The following SBNO2 variants were observed in gnomAD, a reference collection of about 807,000 sequenced individuals.
SBNO2 encodes strawberry notch homolog 2.
A neutral mutation model predicts 146.3 loss-of-function variants in SBNO2; 89 were observed. The observed-to-expected ratio is 0.61, with a 90% CI of 0.51 to 0.73. The LOEUF (loss-of-function observed/expected upper bound fraction) is 0.73, where lower values mean the gene tolerates loss of function less well. SBNO2 is among the 30% of genes least tolerant of loss of function. The pLI is 0.00. For synonymous variants in SBNO2, 1,147 were observed against 892.6 expected (o/e 1.29, Z -5.08); for missense variants, 2,092 against 2,003.7 (o/e 1.04, Z -0.84).
At chr19:1,123,766 G>GT (rs1408631851) in intron 6 of SBNO2, 127 bp from the exon 7 acceptor site, 95 of 1,095,030 alleles carry the variant, frequency 8.7e-5, no homozygotes, top group Non-Finnish European at 1.1e-4. Flanking sequence ...AGACGGCTCT[G>GT]TCTGCCCCTG....
At chr19:1,133,537 G>A (rs776906552) in intron 4 of SBNO2, among the ~76,000 whole-genome samples, 1 of 152,250 alleles carries the variant, frequency 6.6e-6, no homozygotes, top group Non-Finnish European at 1.5e-5. Flanking sequence ...AGCGGAGGCT[G>A]GTGCAGACTG....
intron 24 of SBNO2, 140 bp from the exon 25 acceptor site, chr19:1,111,233 G>A: frequency 2.0e-6 from 2 of 986,860 alleles, no homozygotes; most frequent in South Asian, 3.3e-5. Flanking sequence ...AGGGCCAGGA[G>A]CGGAGCCTTT....
chr19:1,160,180 G>C (rs144449045), intron 1 of SBNO2, among the ~76,000 whole-genome samples: 4,686 of 152,288 alleles, frequency 0.031, 93 homozygotes, highest in Non-Finnish European at 0.047. Flanking sequence ...GCGAGGCTGA[G>C]GGAGCGGGAA....
intron 5 of SBNO2, 94 bp downstream of exon 5, chr19:1,127,510 G>T: frequency 8.4e-7 from 1 of 1,191,632 alleles, no homozygotes; most frequent in Non-Finnish European, 1.2e-6. Flanking sequence ...ACGCAGAGTG[G>T]GGGAGACTGA....
At chr19:1,142,360 C>T (rs989142518) in intron 4 of SBNO2, among the ~76,000 whole-genome samples, 9 of 149,048 alleles carry the variant, frequency 6.0e-5, no homozygotes, top group African/African-American at 2.2e-4. Flanking sequence ...GTCCACTGGC[C>T]CCAGGCACTG....
chr19:1,145,662 C>T (rs937767158), intron 4 of SBNO2, among the ~76,000 whole-genome samples: 24 of 152,200 alleles, frequency 1.6e-4, no homozygotes, highest in Middle Eastern at 6.8e-3. Flanking sequence ...CTCCCCTGTG[C>T]GTCCCCTGAA....
In SBNO2 at chr19:1,107,686, A is replaced by G. The variant is rs1415900566; in HGVS notation, c.*534T>C. On this transcript the variant is annotated 3_prime_UTR_variant, in exon 32 of 32. Coordinates refer to ENST00000361757, the MANE Select transcript of SBNO2 (RefSeq NM_014963.3). ...TTAAAAAAGTCCTTTACATATGTAC[A>G]TCAGAACTTGCTATAAATACATAGA... 6.5e-6 allele frequency: 1 copy of G among 152,730 alleles called. No individual in the cohort carries two copies. Among genetic ancestry groups the G allele is most frequent in the African/African-American group, 2.4e-5 (1 of 41,458 alleles). The allele number at this position is 152,730 out of a possible 1,614,324, so 9.5% of individuals were successfully genotyped here. A position where few individuals can be genotyped will look rare whatever the true frequency, so the allele number is the denominator to read the frequency against.
intron 4 of SBNO2, among the ~76,000 whole-genome samples, chr19:1,143,607 C>T (rs1366206698): frequency 6.6e-6 from 1 of 152,212 alleles, no homozygotes; most frequent in Non-Finnish European, 1.5e-5. Context: ...CCAGTTCCTG[C>T]CTTTCCAGTG....
intron 11 of SBNO2, 59 bp downstream of exon 11, chr19:1,122,080 C>A: frequency 1.6e-6 from 2 of 1,236,032 alleles, no homozygotes; most frequent in Non-Finnish European, 2.1e-6. Flanking sequence ...CCTCCATCCT[C>A]CTTTTCCCTC....
chr19:1,109,074 C>CT lies in SBNO2; in HGVS notation c.3425+60_3425+61insA. ...CTCCTCTCAGGGTCTCGGGAGCCCCCGATCCCCGCCTGGGTCGCCGCCATC... is the reference window on the plus strand; with the variant it reads ...CTCCTCTCAGGGTCTCGGGAGCCCCCTGATCCCCGCCTGGGTCGCCGCCATC... On this transcript the variant is annotated intron_variant, in intron 30 of 31. Transcript: ENST00000361757. This position sits in a 1 kb window ranked among gnomAD's most constrained non-coding sequence, Gnocchi z 4.2. The CT allele has an allele frequency of 6.5e-7, 1 of 1,533,378 alleles. No homozygotes were observed. The highest frequency in any genetic ancestry group is 8.8e-7 in the Non-Finnish European group (1 of 1,139,832). 95.0% of individuals were successfully genotyped at this position (1,533,378 alleles called of 1,614,324 possible).
intron 1 of SBNO2, among the ~76,000 whole-genome samples, chr19:1,160,666 A>G (rs1267086922): frequency 5.9e-5 from 9 of 151,984 alleles, no homozygotes; most frequent in Non-Finnish European, 1.3e-4. Flanking sequence ...AGTAACTGGG[A>G]TGACAGGCAC....
intron 1 of SBNO2, among the ~76,000 whole-genome samples, chr19:1,170,575 A>G (rs1330877044): frequency 6.6e-6 from 1 of 152,138 alleles, no homozygotes; most frequent in Non-Finnish European, 1.5e-5. Context: ...CGGCTGTGGA[A>G]AAAGTGACTG....
At chr19:1,138,682 T>C (rs1437027176) in intron 4 of SBNO2, among the ~76,000 whole-genome samples, 8 of 147,508 alleles carry the variant, frequency 5.4e-5, no homozygotes. Flanking sequence ...ACAGACACAG[T>C]GGGGCCCTCC....
At position 1,108,328 on chromosome 19, in the gene SBNO2, GC is replaced by G; in HGVS notation, c.3992del (p.Gly1331AlafsTer22). 7.3e-7 allele frequency: 1 copy of G among 1,375,620 alleles called. No individual in the cohort carries two copies. Among genetic ancestry groups the G allele is most frequent in the Non-Finnish European group, 9.4e-7 (1 of 1,062,454 alleles). 85.2% of individuals were successfully genotyped at this position (1,375,620 alleles called of 1,614,324 possible). A position where few individuals can be genotyped will look rare whatever the true frequency, so the allele number is the denominator to read the frequency against. The stretch of plus-strand genomic sequence containing the variant: ...CCGCCCCCGCGCCCTCCCCCAGCGC[GC>G]CCTCGGAGGGCGGCCCCGCGTGCAG... The part of the protein sequence containing the change: ...RSLHAGPPSE[G>X]ALGEGAGAGG... On this transcript the variant is annotated frameshift_variant, in exon 32 of 32. Coordinates refer to ENST00000361757, the MANE Select transcript of SBNO2 (RefSeq NM_014963.3). LOFTEE classifies it low-confidence loss of function (END_TRUNC).
At chr19:1,141,055 C>T (rs115591630) in intron 4 of SBNO2, among the ~76,000 whole-genome samples, 55 of 151,746 alleles carry the variant, frequency 3.6e-4, no homozygotes, top group Middle Eastern at 6.8e-3. Flanking sequence ...AGACGCACCC[C>T]GGAGAAGAGG....
chr19:1,113,852 C>A (rs1011705142), intron 18 of SBNO2, 148 bp from the exon 19 acceptor site: 4 of 1,074,904 alleles, frequency 3.7e-6, no homozygotes, highest in Non-Finnish European at 5.0e-6. Flanking sequence ...GGCACCGTGG[C>A]CCAGGACTGC....
intron 4 of SBNO2, chr19:1,131,940 G>A (rs1313700517): frequency 1.2e-5 from 6 of 496,380 alleles, no homozygotes; most frequent in Non-Finnish European, 1.7e-5. Flanking sequence ...CGGACGGGGC[G>A]GGGTGGGGAT....
At chr19:1,146,793 A>AC in intron 4 of SBNO2, among the ~76,000 whole-genome samples, 1 of 3,606 alleles carries the variant, frequency 2.8e-4, no homozygotes, top group Non-Finnish European at 5.3e-4. Flanking sequence ...CTGATGCCGA[A>AC]GGGGGAGGCT....
chr19:1,115,804 C>G, intron 17 of SBNO2: 1 of 600,154 alleles, frequency 1.7e-6, no homozygotes, highest in South Asian at 1.9e-5. Context: ...CTGTGTCCTT[C>G]AGGCTGTCTG....
Sources: allele counts gnomAD v4.1 joint callset (sites outside exome capture counted in the v4.1 genomes callset), GRCh38; gene constraint gnomAD v4.1.1; non-coding constraint Gnocchi (gnomAD v3.1); transcripts MANE v1.5; gene names NCBI Gene and HGNC (gene_info 2026-07-23, HGNC 2026-07-21).